KCND3: variants seen among roughly 807,000 people sequenced by gnomAD.
KCND3 encodes the protein A-type voltage-gated potassium channel KCND3.
A neutral mutation model predicts 51.1 loss-of-function variants in KCND3; 9 were observed. The ratio of observed to expected loss-of-function variants is 0.18; its 90% CI spans 0.11 to 0.31. KCND3 has a LOEUF of 0.31. KCND3 is among the 10% of genes least tolerant of loss of function. The pLI is 1.00. For synonymous variants in KCND3, 349 were observed against 368.0 expected, an observed-to-expected ratio of 0.95 and a Z score of 0.59; for missense variants, 526 against 903.8, an observed-to-expected ratio of 0.58 and a Z score of 5.36.
chr1:111,966,455 A>T (rs1673990642), intron 2 of KCND3, among the ~76,000 whole-genome samples: 1 of 152,016 alleles, frequency 6.6e-6, no homozygotes, highest in Non-Finnish European at 1.5e-5. Context: ...GAGACAGAAG[A>T]AGGGGTGAGA....
intron 2 of KCND3, among the ~76,000 whole-genome samples, chr1:111,947,109 T>C (rs1672813994): frequency 6.6e-6 from 1 of 152,234 alleles, no homozygotes; most frequent in African/African-American, 2.4e-5. Context: ...TTTAATCTAT[T>C]TACATTCAAA....
intron 2 of KCND3, among the ~76,000 whole-genome samples, chr1:111,845,516 C>T (rs199682083): frequency 1.3e-5 from 2 of 152,288 alleles, no homozygotes; most frequent in East Asian, 3.9e-4. Context: ...TTTACTGTCT[C>T]TCCCCATCAC....
chr1:111,869,582 G>A (rs551910214), intron 2 of KCND3, among the ~76,000 whole-genome samples: 1 of 152,294 alleles, frequency 6.6e-6, no homozygotes, highest in South Asian at 2.1e-4. Flanking sequence ...GCTCAGTTGG[G>A]AAGGAAGAGA....
At chr1:111,792,171 G>C (rs967892657) in intron 2 of KCND3, among the ~76,000 whole-genome samples, 1 of 152,226 alleles carries the variant, frequency 6.6e-6, no homozygotes, top group Non-Finnish European at 1.5e-5. Context: ...CCGAAGAAGA[G>C]GAGTTGGGGA....
rs1162289399 is a variant in KCND3, at chr1:111,780,836, C to A, written c.1270-45G>T. ...TAAAAGAATGAGGCAGACCATGATA[C>A]AAAAAGACAGCAAGGCTGGTGAAGC... On this transcript the variant is annotated intron_variant, in intron 3 of 7. Coordinates refer to ENST00000302127, the MANE Select transcript of KCND3 (RefSeq NM_001378969.1). The surrounding 1 kb of genome is among the most constrained non-coding windows in gnomAD (Gnocchi z 4.2). The A allele has an allele frequency of 3.3e-6, 5 of 1,512,868 alleles. No homozygotes were observed. The highest frequency in any genetic ancestry group is 4.5e-6 in the Non-Finnish European group (5 of 1,100,176). 93.7% of individuals were successfully genotyped at this position (1,512,868 alleles called of 1,614,324 possible).
intron 2 of KCND3, among the ~76,000 whole-genome samples, chr1:111,795,366 C>A (rs1665012523): frequency 6.6e-6 from 1 of 152,218 alleles, no homozygotes; most frequent in Non-Finnish European, 1.5e-5. Context: ...ACAGATGAGG[C>A]TCAGAGCAAG....
chr1:111,850,970 C>T (rs1178902979), intron 2 of KCND3, among the ~76,000 whole-genome samples: 2 of 152,208 alleles, frequency 1.3e-5, no homozygotes, highest in Non-Finnish European at 2.9e-5. Flanking sequence ...TTGTGTATCT[C>T]TCATCCATGT....
intron 3 of KCND3, among the ~76,000 whole-genome samples, chr1:111,785,827 G>C (rs1664578573): frequency 1.3e-5 from 2 of 152,058 alleles, no homozygotes; most frequent in Admixed American, 1.3e-4. Context: ...CAAGCAGAAG[G>C]CCAGTAGCAG....
intron 2 of KCND3, among the ~76,000 whole-genome samples, chr1:111,943,490 G>A (rs940478316): frequency 6.6e-6 from 1 of 152,170 alleles, no homozygotes; most frequent in Non-Finnish European, 1.5e-5. Flanking sequence ...CAGAGAGGGC[G>A]AGTGACTTGT....
At chr1:111,876,497 A>T (rs1369766019) in intron 2 of KCND3, among the ~76,000 whole-genome samples, 1 of 151,968 alleles carries the variant, frequency 6.6e-6, no homozygotes, top group Admixed American at 6.6e-5. Context: ...CCCATCTGAC[A>T]CCTCTGCTTC....
At chr1:111,861,575 C>T (rs924914184) in intron 2 of KCND3, among the ~76,000 whole-genome samples, 4 of 152,012 alleles carry the variant, frequency 2.6e-5, no homozygotes, top group Admixed American at 2.0e-4. Flanking sequence ...CGGAGGGAAG[C>T]GGGTGGCAGG....
At chr1:111,834,690 T>G (rs1666993214) in intron 2 of KCND3, among the ~76,000 whole-genome samples, 1 of 152,230 alleles carries the variant, frequency 6.6e-6, no homozygotes, top group South Asian at 2.1e-4. Context: ...AAAGTCTGCC[T>G]CAGAATTAAG....
intron 2 of KCND3, among the ~76,000 whole-genome samples, chr1:111,907,440 G>A (rs1024112193): frequency 3.9e-5 from 6 of 152,178 alleles, no homozygotes; most frequent in East Asian, 1.9e-4. Flanking sequence ...CCCTTGTATC[G>A]GCTGTCAGCT....
chr1:111,791,496 C>T (rs1463118307), intron 2 of KCND3, among the ~76,000 whole-genome samples: 1 of 152,180 alleles, frequency 6.6e-6, no homozygotes, highest in East Asian at 1.9e-4. Context: ...AGCTGGAGTT[C>T]CTGTTCTAAT....
At position 111,780,140 on chromosome 1, in the gene KCND3, TG is replaced by T; in HGVS notation, c.1461+84del. ...TCTGAAGGGGACAGACTTTGACTTC[TG>T]GCCCAGAGTGAAGATGTGAGTACAG... On this transcript the variant is annotated intron_variant, in intron 5 of 7. Transcript: ENST00000302127. The surrounding 1 kb of genome is among the most constrained non-coding windows in gnomAD (Gnocchi z 4.2). 2 of 1,336,320 alleles carry T rather than the reference TG, an allele frequency of 1.5e-6. No individual in the cohort carries two copies. Among genetic ancestry groups the T allele is most frequent in the Non-Finnish European group, 2.1e-6 (2 of 952,414 alleles). 82.8% of individuals were successfully genotyped at this position (1,336,320 alleles called of 1,614,324 possible).
At chr1:111,845,859 G>A (rs978522676) in intron 2 of KCND3, among the ~76,000 whole-genome samples, 1 of 152,126 alleles carries the variant, frequency 6.6e-6, no homozygotes, top group African/African-American at 2.4e-5. Flanking sequence ...ACTGCCTCTT[G>A]GTAACAATTC....
rs534709060 is a variant in KCND3 at position 111,937,415 on chromosome 1, C to T, written c.1106+44206G>A. Among the ~76,000 whole-genome samples, 7 of 152,236 alleles carry T rather than the reference C, an allele frequency of 4.6e-5. No individual in the cohort carries two copies. In the South Asian group the frequency reaches 1.2e-3, roughly 27 times the overall value. On this transcript the variant is annotated intron_variant, in intron 2 of 7. Transcript: ENST00000302127. ...CTTTTCCATTCCACCAGCCATGCCC[C>T]GAGTCATCAGACTCCCTGGGGGAAG...
chr1:111,858,463 T>C (rs866837868), intron 2 of KCND3, among the ~76,000 whole-genome samples: 2 of 152,248 alleles, frequency 1.3e-5, no homozygotes, highest in African/African-American at 2.4e-5. Flanking sequence ...TGGTCCCATT[T>C]CTCCATAAAA....
intron 2 of KCND3, among the ~76,000 whole-genome samples, chr1:111,915,078 T>A (rs1196803194): frequency 6.6e-6 from 1 of 152,124 alleles, no homozygotes; most frequent in Admixed American, 6.5e-5. Context: ...TATGCTAAAA[T>A]GTATATTTTA....
Sources: allele counts gnomAD v4.1 joint callset (sites outside exome capture counted in the v4.1 genomes callset), GRCh38; gene constraint gnomAD v4.1.1; non-coding constraint Gnocchi (gnomAD v3.1); transcripts MANE v1.5; gene names NCBI Gene and HGNC (gene_info 2026-07-23, HGNC 2026-07-21).